Variants in FHIT observed in about 807,000 individuals in gnomAD.
The protein encoded by FHIT is bis(5'-adenosyl)-triphosphatase.
FHIT carries 19 observed loss-of-function variants against 17.9 expected under a neutral mutation model. The observed-to-expected ratio is 1.06, with a 90% confidence interval of 0.74 to 1.56. The LOEUF (loss-of-function observed/expected upper bound fraction) is 1.56. Ranked by LOEUF, FHIT falls within the 40% of genes most tolerant of loss-of-function variation. The probability of loss-of-function intolerance (pLI) is 0.00; values close to 1 mark genes in which losing one functional copy is unlikely to be tolerated. For synonymous variants in FHIT, 81 were observed against 69.7 expected (o/e 1.16, Z -0.81); for missense variants, 248 against 189.2 (o/e 1.31, Z -1.82).
intron 8 of FHIT, among the ~76,000 whole-genome samples, chr3:59,772,688 A>G (rs188915677): frequency 1.3e-5 from 2 of 152,332 alleles, no homozygotes; most frequent in East Asian, 3.9e-4. Context: ...CGAGAAGGCA[A>G]AAGAACCCTG....
intron 8 of FHIT, among the ~76,000 whole-genome samples, chr3:59,831,464 G>A (rs1047648328): frequency 6.6e-6 from 1 of 152,098 alleles, no homozygotes; most frequent in Admixed American, 6.5e-5. Context: ...GATCAAAGAA[G>A]TAATAAAGCT....
intron 2 of FHIT, among the ~76,000 whole-genome samples, chr3:61,154,618 C>T (rs1489190169): frequency 1.3e-5 from 2 of 152,150 alleles, no homozygotes; most frequent in African/African-American, 4.8e-5. Context: ...TGAACGGCAG[C>T]GCGTGTCCTT....
At chr3:60,300,264 A>C (rs138684533) in intron 5 of FHIT, among the ~76,000 whole-genome samples, 233 of 152,252 alleles carry the variant, frequency 1.5e-3, no homozygotes, top group African/African-American at 5.4e-3. Flanking sequence ...CTTTTTCAAA[A>C]AAACTAAAAT....
intron 5 of FHIT, among the ~76,000 whole-genome samples, chr3:60,288,601 G>GTC (rs1707839569): frequency 6.7e-6 from 1 of 150,040 alleles, no homozygotes; most frequent in African/African-American, 2.4e-5. Flanking sequence ...GTGTGTGTGT[G>GTC]TGTGGAGGGG....
At chr3:60,255,188 T>C (rs1705925645) in intron 5 of FHIT, among the ~76,000 whole-genome samples, 1 of 152,150 alleles carries the variant, frequency 6.6e-6, no homozygotes, top group Admixed American at 6.6e-5. Context: ...TTAATGCATT[T>C]AATAGATATG....
rs1450818610 is a variant in FHIT, at chr3:60,587,379, A to G, written c.-17-50400T>C. Among the ~76,000 whole-genome samples, 9 of 152,150 alleles carry G rather than the reference A, an allele frequency of 5.9e-5. No individual in the cohort carries two copies. The East Asian group carries it at 1.7e-3, about 30-fold the overall frequency. On this transcript the variant is annotated intron_variant, in intron 4 of 9. Coordinates refer to ENST00000492590, the MANE Select transcript of FHIT (RefSeq NM_002012.4). ...GGTGGGGAGCAAGGGAAGAGAGAGC[A>G]TTAGGACAAATAGCTAATATATGCA...
intron 2 of FHIT, among the ~76,000 whole-genome samples, chr3:61,060,814 C>T (rs989471206): frequency 9.9e-5 from 15 of 152,224 alleles, no homozygotes; most frequent in Admixed American, 9.2e-4. Flanking sequence ...ACTGTTCTTA[C>T]AGCCTGGCTG....
At chr3:61,195,574 C>T (rs916159461) in intron 2 of FHIT, among the ~76,000 whole-genome samples, 3 of 152,188 alleles carry the variant, frequency 2.0e-5, no homozygotes, top group Admixed American at 6.5e-5. Context: ...TTTTACAATA[C>T]AGATTTTTGG....
At chr3:59,764,236 C>G (rs752693106) in intron 8 of FHIT, among the ~76,000 whole-genome samples, 1 of 152,202 alleles carries the variant, frequency 6.6e-6, no homozygotes, top group Non-Finnish European at 1.5e-5. Flanking sequence ...AGGATGCAGG[C>G]TGACCTCACA....
intron 8 of FHIT, among the ~76,000 whole-genome samples, chr3:59,762,503 C>A (rs477697): frequency 6.6e-6 from 1 of 151,910 alleles, no homozygotes; most frequent in Non-Finnish European, 1.5e-5. Context: ...GGATGAGACA[C>A]ACAAACACTG....
chr3:60,404,374 A>C (rs947642422), intron 5 of FHIT, among the ~76,000 whole-genome samples: 1 of 152,170 alleles, frequency 6.6e-6, no homozygotes, highest in Middle Eastern at 3.2e-3. Flanking sequence ...AAAGAGACAG[A>C]GAATCTATTA....
At chr3:59,938,046 T>C (rs1706328091) in intron 7 of FHIT, among the ~76,000 whole-genome samples, 1 of 152,166 alleles carries the variant, frequency 6.6e-6, no homozygotes, top group Admixed American at 6.5e-5. Context: ...TACCCAGATG[T>C]GCTACAAGTC....
chr3:59,963,306 A>C (rs1024605898), intron 7 of FHIT, among the ~76,000 whole-genome samples: 3 of 151,058 alleles, frequency 2.0e-5, no homozygotes, highest in Non-Finnish European at 4.4e-5. Context: ...GAAAAGAAAA[A>C]TGTATTGTTA....
At chr3:60,325,601 A>G (rs1010102877) in intron 5 of FHIT, among the ~76,000 whole-genome samples, 4 of 152,240 alleles carry the variant, frequency 2.6e-5, no homozygotes, top group African/African-American at 9.6e-5. Context: ...CATTCATTAC[A>G]TTTTTAATCT....
At position 60,494,554 on chromosome 3, in the gene FHIT, A is replaced by G. The variant is rs1345858495; in HGVS notation, c.103+42306T>C. Among the ~76,000 whole-genome samples, 4 of 152,078 alleles carry G rather than the reference A, an allele frequency of 2.6e-5. No individual in the cohort carries two copies. In the East Asian group the frequency reaches 5.9e-4, roughly 22 times the overall value. On this transcript the variant is annotated intron_variant, in intron 5 of 9. Transcript: ENST00000492590. ...TCACTCCGTTGCGCTATCAAATACT[A>G]GGTCTTATTCATGTTTTCTATTTTT...
intron 4 of FHIT, among the ~76,000 whole-genome samples, chr3:60,638,233 G>A (rs1275266040): frequency 1.3e-5 from 2 of 152,142 alleles, no homozygotes; most frequent in Non-Finnish European, 1.5e-5. Context: ...ACGACATGGA[G>A]GGAACGTTTT....
At chr3:60,076,573 T>C (rs1703017512) in intron 5 of FHIT, among the ~76,000 whole-genome samples, 1 of 151,940 alleles carries the variant, frequency 6.6e-6, no homozygotes, top group African/African-American at 2.4e-5. Context: ...TTTAAACAAA[T>C]GAGATCAGAG....
intron 5 of FHIT, among the ~76,000 whole-genome samples, chr3:60,438,845 A>G (rs1217309359): frequency 5.3e-5 from 8 of 152,092 alleles, no homozygotes; most frequent in African/African-American, 1.7e-4. Flanking sequence ...TGCCTAGACT[A>G]CCTTCTAGAA....
chr3:60,745,216 C>T (rs1043402911), intron 4 of FHIT, among the ~76,000 whole-genome samples: 1 of 152,134 alleles, frequency 6.6e-6, no homozygotes, highest in Non-Finnish European at 1.5e-5. Flanking sequence ...ACAAAGAGTT[C>T]GTCTAGATAT....
Sources: gnomAD v4.1 joint callset for allele counts (sites outside exome capture counted in the v4.1 genomes callset) on GRCh38, gnomAD v4.1.1 for gene constraint, MANE v1.5 for transcripts, NCBI Gene and HGNC (gene_info 2026-07-23, HGNC 2026-07-21) for gene names.